ISCA2: variants seen among roughly 807,000 people sequenced by gnomAD.
The protein encoded by ISCA2 is iron-sulfur cluster assembly 2, also known as iron-sulfur cluster assembly 2 homolog, mitochondrial.
ISCA2 carries 21 observed loss-of-function variants against 19.1 expected under a neutral mutation model. The observed-to-expected ratio is 1.10, with a 90% confidence interval of 0.78 to 1.59. The LOEUF (loss-of-function observed/expected upper bound fraction) is 1.59. Among genes scored for constraint, ISCA2 ranks in the 40% most tolerant of loss-of-function variants. ISCA2 has a pLI of 0.00. For missense variants in ISCA2, 181 were observed against 191.7 expected, an observed-to-expected ratio of 0.94 and a Z score of 0.33; for synonymous variants, 107 against 83.8, an observed-to-expected ratio of 1.28 and a Z score of -1.51.
In ISCA2 at chr14:74,493,769, A is replaced by C. The variant is rs186648323; in HGVS notation, c.-6A>C. 3.1e-5 allele frequency: 47 copies of C among 1,516,346 alleles called. No individual in the cohort carries two copies. In the Admixed American group the frequency reaches 4.9e-4, roughly 16 times the overall value. 93.9% of individuals were successfully genotyped at this position (1,516,346 alleles called of 1,614,324 possible). A position where few individuals can be genotyped will look rare whatever the true frequency, so the allele number is the denominator to read the frequency against. On this transcript the variant is annotated 5_prime_UTR_variant, in exon 1 of 4. Coordinates refer to ENST00000556816, the MANE Select transcript of ISCA2 (RefSeq NM_194279.4). The surrounding 1 kb of genome is among the most constrained non-coding windows in gnomAD (Gnocchi z 4.1). ...GAGACGCGAGGGGCGGAGCTTGTGG[A>C]GGAAGATGGCTGCCGCCTGGGGGTC...
chr14:74,496,554 T>C lies in ISCA2; in HGVS notation c.*1554T>C, dbSNP rs1226766644. 3 of 152,318 alleles carry C rather than the reference T, an allele frequency of 2.0e-5. No individual in the cohort carries two copies. The highest frequency in any genetic ancestry group is 3.4e-3 in the Middle Eastern group (1 of 294). The allele number at this position is 152,318 out of a possible 1,614,324, so 9.4% of individuals were successfully genotyped here. A position where few individuals can be genotyped will look rare whatever the true frequency, so the allele number is the denominator to read the frequency against. On this transcript the variant is annotated 3_prime_UTR_variant, in exon 4 of 4. Transcript: ENST00000556816. ...CAGTGCCGCCAGTACCTGCGCCTGATAGGGTTTCAGTTCAGACTACCTGTC... is the reference window on the plus strand; with the variant it reads ...CAGTGCCGCCAGTACCTGCGCCTGACAGGGTTTCAGTTCAGACTACCTGTC...
In ISCA2 at chr14:74,494,107, C is replaced by G. The variant is rs373588450; in HGVS notation, c.129C>G (p.Pro43=). The change falls in exon 2 of 4, where the codon CCC becomes CCG. Residue 43 remains proline, a synonymous_variant. Coordinates refer to ENST00000556816, the MANE Select transcript of ISCA2 (RefSeq NM_194279.4). ...GTCGGGAGGCGTCGTCCTCCAGCCC[C>G]GAGGCCGGCGAAGGGCAGATCCGCC... is the stretch of plus-strand genomic sequence containing the variant. ...QARREASSSS[P]EAGEGQIRLT... is the part of the protein sequence containing the mutation. The G allele has an allele frequency of 3.9e-5, 62 of 1,575,212 alleles. 1 individual carries two copies. In the South Asian group the frequency reaches 5.6e-4, roughly 14 times the overall value.
In ISCA2 at chr14:74,493,795, G is replaced by C. The variant is rs1218989713; in HGVS notation, c.21G>C (p.Ser7=). The change falls in exon 1 of 4, where the codon TCG becomes TCC. Residue 7 remains serine (S), a synonymous_variant. Coordinates refer to ENST00000556816, the MANE Select transcript of ISCA2 (RefSeq NM_194279.4). The surrounding 1 kb of genome is among the most constrained non-coding windows in gnomAD (Gnocchi z 4.1). ...GGAAGATGGCTGCCGCCTGGGGGTC[G>C]TCCCTAACGGCCGCGACGCAGAGAG... MAAAWG[S]SLTAATQRAV... 3.9e-6 allele frequency: 6 copies of C among 1,533,588 alleles called. No homozygotes were observed. The highest frequency in any genetic ancestry group is 1.7e-4 in the Middle Eastern group (1 of 5,892). The allele number at this position is 1,533,588 out of a possible 1,614,324, so 95.0% of individuals were successfully genotyped here. A position where few individuals can be genotyped will look rare whatever the true frequency, so the allele number is the denominator to read the frequency against.
Position 74,495,029 on chromosome 14 carries a change from A to G in ISCA2, c.*29A>G, listed in dbSNP as rs748967636. The G allele has an allele frequency of 6.5e-7, 1 of 1,528,542 alleles. No homozygotes were observed. Among genetic ancestry groups the G allele is most frequent in the South Asian group, 1.1e-5 (1 of 87,626 alleles). The allele number at this position is 1,528,542 out of a possible 1,614,324, so 94.7% of individuals were successfully genotyped here. A position where few individuals can be genotyped will look rare whatever the true frequency, so the allele number is the denominator to read the frequency against. On this transcript the variant is annotated 3_prime_UTR_variant, in exon 4 of 4. Transcript: ENST00000556816. Reference sequence around the variant, plus strand: ...GATGACTGGTGACTCTGGGATTGTCACCAGTTGTACCAATTTGAAGAACCT... The same window carrying G: ...GATGACTGGTGACTCTGGGATTGTCGCCAGTTGTACCAATTTGAAGAACCT...
Position 74,493,784 on chromosome 14 carries a change from G to A in ISCA2, c.10G>A (p.Ala4Thr). MAA[A>T]WGSSLTAATQ... ...GAGCTTGTGGAGGAAGATGGCTGCC[G>A]CCTGGGGGTCGTCCCTAACGGCCGC... Residue 4 changes from alanine (A) to threonine (T), a missense_variant, in exon 1 of 4, where the codon GCC (alanine) becomes ACC (threonine). Physicochemically the swap from Ala to Thr is moderately conservative, Grantham distance 58. Transcript: ENST00000556816. The surrounding 1 kb of genome is among the most constrained non-coding windows in gnomAD (Gnocchi z 4.1). The A allele has an allele frequency of 1.3e-6, 2 of 1,527,220 alleles. No homozygotes were observed. Among genetic ancestry groups the A allele is most frequent in the Non-Finnish European group, 1.8e-6 (2 of 1,139,800 alleles). The allele number at this position is 1,527,220 out of a possible 1,614,324, so 94.6% of individuals were successfully genotyped here.
Position 74,494,113 on chromosome 14 carries a change from C to T in ISCA2, c.135C>T (p.Ala45=). The change falls in exon 2 of 4, where the codon GCC becomes GCT. Residue 45 remains alanine, a synonymous_variant. Transcript: ENST00000556816. ...RREASSSSPE[A]GEGQIRLTDS... The stretch of plus-strand genomic sequence containing the variant: ...AGGCGTCGTCCTCCAGCCCCGAGGC[C>T]GGCGAAGGGCAGATCCGCCTCACAG... The T allele has an allele frequency of 2.5e-6, 4 of 1,578,216 alleles. No individual in the cohort carries two copies. Among genetic ancestry groups the T allele is most frequent in the Non-Finnish European group, 3.4e-6 (4 of 1,164,414 alleles).
At position 74,494,843 on chromosome 14, in the gene ISCA2, G is replaced by C; in HGVS notation, c.308G>C (p.Gly103Ala). ...CTTTTCAGGGTATTTGAACAGGGTGGGGCAAGAGTGGTGGTTGACTCTGAT... is the reference window on the plus strand; with the variant it reads ...CTTTTCAGGGTATTTGAACAGGGTGCGGCAAGAGTGGTGGTTGACTCTGAT... Reference protein sequence around the residue: ...NPDDRVFEQGGARVVVDSDSL... With the variant: ...NPDDRVFEQGAARVVVDSDSL... Residue 103 changes from glycine (G) to alanine (A), a missense_variant, in exon 4 of 4, where the codon GGG (glycine) becomes GCG (alanine). Transcript: ENST00000556816. 1 of 1,614,076 alleles carries C rather than the reference G, an allele frequency of 6.2e-7. No individual in the cohort carries two copies. Among genetic ancestry groups the C allele is most frequent in the Non-Finnish European group, 8.5e-7 (1 of 1,180,002 alleles).
rs1402364907 is a variant in ISCA2, at chr14:74,496,743, CAG to C, written c.*1745_*1746del. 1.3e-5 allele frequency: 2 copies of C among 152,126 alleles called. No homozygotes were observed. Among genetic ancestry groups the C allele is most frequent in the Non-Finnish European group, 2.9e-5 (2 of 68,022 alleles). 9.4% of individuals were successfully genotyped at this position (152,126 alleles called of 1,614,324 possible). ...AATCAAATTACAGTGGTGCACTAGA[CAG>C]AAACAGTCCCTTAGAATGCAGCTTA... is the stretch of plus-strand genomic sequence containing the variant. On this transcript the variant is annotated 3_prime_UTR_variant, in exon 4 of 4. Transcript: ENST00000556816.
Position 74,496,784 on chromosome 14 carries a change from A to G in ISCA2, c.*1784A>G, listed in dbSNP as rs2086851268. The G allele has an allele frequency of 6.6e-6, 1 of 152,166 alleles. No individual in the cohort carries two copies. The highest frequency in any genetic ancestry group is 2.1e-4 in the South Asian group (1 of 4,832). 9.4% of individuals were successfully genotyped at this position (152,166 alleles called of 1,614,324 possible). On this transcript the variant is annotated 3_prime_UTR_variant, in exon 4 of 4. Coordinates refer to ENST00000556816, the MANE Select transcript of ISCA2 (RefSeq NM_194279.4). ...GAATGCAGCTTATATGTGAGTATCT[A>G]CTGTTAATGGGAGAATTGGAATTTT...
At position 74,495,903 on chromosome 14, in the gene ISCA2, C is replaced by G. The variant is rs988140989; in HGVS notation, c.*903C>G. On this transcript the variant is annotated 3_prime_UTR_variant, in exon 4 of 4. Coordinates refer to ENST00000556816, the MANE Select transcript of ISCA2 (RefSeq NM_194279.4). ...AAATAATTTTTTAGTATGCATATGT[C>G]TCAAATATTGCATATACTAAAAATT... 2 of 152,086 alleles carry G rather than the reference C, an allele frequency of 1.3e-5. No individual in the cohort carries two copies. The highest frequency in any genetic ancestry group is 4.8e-5 in the African/African-American group (2 of 41,392). The allele number at this position is 152,086 out of a possible 1,614,324, so 9.4% of individuals were successfully genotyped here.
rs1254817503 is a variant in ISCA2 at position 74,496,185 on chromosome 14, A to G, written c.*1185A>G. 1 of 152,204 alleles carries G rather than the reference A, an allele frequency of 6.6e-6. No individual in the cohort carries two copies. Among genetic ancestry groups the G allele is most frequent in the Non-Finnish European group, 1.5e-5 (1 of 68,030 alleles). The allele number at this position is 152,204 out of a possible 1,614,324, so 9.4% of individuals were successfully genotyped here. On this transcript the variant is annotated 3_prime_UTR_variant, in exon 4 of 4. Coordinates refer to ENST00000556816, the MANE Select transcript of ISCA2 (RefSeq NM_194279.4). ...TAATACTGATGTTGGAGAAACTACA[A>G]CCAAGTTGATTCTGGAAGAGTTACT...
In ISCA2 at chr14:74,495,794, T is replaced by C. The variant is rs951665914; in HGVS notation, c.*794T>C. On this transcript the variant is annotated 3_prime_UTR_variant, in exon 4 of 4. Coordinates refer to ENST00000556816, the MANE Select transcript of ISCA2 (RefSeq NM_194279.4). ...GCAGGAAGTGATCCCTTTATTGTTA[T>C]AGGTAATAGATTCTTGGGAACCTTT... 7.2e-5 allele frequency: 11 copies of C among 152,352 alleles called. No individual in the cohort carries two copies. The East Asian group carries it at 1.5e-3, about 21-fold the overall frequency. 9.4% of individuals were successfully genotyped at this position (152,352 alleles called of 1,614,324 possible).
chr14:74,493,933 G>C lies in ISCA2; in HGVS notation c.71+88G>C, dbSNP rs2086812811. The stretch of plus-strand genomic sequence containing the variant: ...AAACTAAGGCCTGTGGGGGATGCGA[G>C]GGTTTGGTGGGAGGCCGTCCAGGTG... On this transcript the variant is annotated intron_variant, in intron 1 of 3. Transcript: ENST00000556816. This position sits in a 1 kb window ranked among gnomAD's most constrained non-coding sequence, Gnocchi z 4.1. 6.8e-7 allele frequency: 1 copy of C among 1,477,334 alleles called. No individual in the cohort carries two copies. The highest frequency in any genetic ancestry group is 1.4e-5 in the African/African-American group (1 of 71,414). The allele number at this position is 1,477,334 out of a possible 1,614,324, so 91.5% of individuals were successfully genotyped here.
chr14:74,494,112 C>G lies in ISCA2; in HGVS notation c.134C>G (p.Ala45Gly), dbSNP rs1180501609. ...GAGGCGTCGTCCTCCAGCCCCGAGG[C>G]CGGCGAAGGGCAGATCCGCCTCACA... ...RREASSSSPE[A>G]GEGQIRLTDS... The change falls in exon 2 of 4, where the codon GCC becomes GGC. Residue 45 changes from alanine to glycine, a missense_variant. Coordinates refer to ENST00000556816, the MANE Select transcript of ISCA2 (RefSeq NM_194279.4). 6.3e-6 allele frequency: 10 copies of G among 1,577,664 alleles called. No individual in the cohort carries two copies. Among genetic ancestry groups the G allele is most frequent in the Admixed American group, 3.6e-5 (2 of 55,400 alleles).
chr14:74,495,030 C>T lies in ISCA2; in HGVS notation c.*30C>T. The T allele has an allele frequency of 6.5e-7, 1 of 1,527,672 alleles. No homozygotes were observed. Among genetic ancestry groups the T allele is most frequent in the Admixed American group, 1.8e-5 (1 of 57,132 alleles). 94.6% of individuals were successfully genotyped at this position (1,527,672 alleles called of 1,614,324 possible). ...ATGACTGGTGACTCTGGGATTGTCA[C>T]CAGTTGTACCAATTTGAAGAACCTG... On this transcript the variant is annotated 3_prime_UTR_variant, in exon 4 of 4. Coordinates refer to ENST00000556816, the MANE Select transcript of ISCA2 (RefSeq NM_194279.4).
rs1300087827 is a variant in ISCA2 at position 74,496,804 on chromosome 14, A to C, written c.*1804A>C. Reference sequence around the variant, plus strand: ...TATCTACTGTTAATGGGAGAATTGGAATTTTATGTTTAGAAAAAGGCAGAT... The same window carrying C: ...TATCTACTGTTAATGGGAGAATTGGCATTTTATGTTTAGAAAAAGGCAGAT... On this transcript the variant is annotated 3_prime_UTR_variant, in exon 4 of 4. Transcript: ENST00000556816. 1 of 152,102 alleles carries C rather than the reference A, an allele frequency of 6.6e-6. No homozygotes were observed. The allele number at this position is 152,102 out of a possible 1,614,324, so 9.4% of individuals were successfully genotyped here. A position where few individuals can be genotyped will look rare whatever the true frequency, so the allele number is the denominator to read the frequency against.
Position 74,495,097 on chromosome 14 carries a change from T to C in ISCA2, c.*97T>C. 1 of 897,370 alleles carries C rather than the reference T, an allele frequency of 1.1e-6. No homozygotes were observed. The highest frequency in any genetic ancestry group is 1.7e-6 in the Non-Finnish European group (1 of 576,976). The allele number at this position is 897,370 out of a possible 1,614,324, so 55.6% of individuals were successfully genotyped here. A position where few individuals can be genotyped will look rare whatever the true frequency, so the allele number is the denominator to read the frequency against. On this transcript the variant is annotated 3_prime_UTR_variant, in exon 4 of 4. Transcript: ENST00000556816. ...AGAAGTTTACTTCTAATCATGTCCC[T>C]CTCAATTTTATTTCCCGCAGTCCAG...
At chr14:74,494,660 A>G (rs971173068) in intron 3 of ISCA2, 166 bp from the exon 4 acceptor site, 26 of 645,272 alleles carry the variant, frequency 4.0e-5, no homozygotes, top group African/African-American at 2.6e-4. Flanking sequence ...GTTTCCCAGT[A>G]TTTATTCCAT....
In ISCA2 at chr14:74,495,228, C is replaced by T. The variant is rs906296367; in HGVS notation, c.*228C>T. On this transcript the variant is annotated 3_prime_UTR_variant, in exon 4 of 4. Coordinates refer to ENST00000556816, the MANE Select transcript of ISCA2 (RefSeq NM_194279.4). The stretch of plus-strand genomic sequence containing the variant: ...AGGCTGAGCCTCCAGATGCTGTTAC[C>T]TCAGATTTAATCACTGGTTGAAACT... 3 of 471,946 alleles carry T rather than the reference C, an allele frequency of 6.4e-6. No individual in the cohort carries two copies. Among genetic ancestry groups the T allele is most frequent in the African/African-American group, 4.0e-5 (2 of 50,364 alleles). 29.2% of individuals were successfully genotyped at this position (471,946 alleles called of 1,614,324 possible).
Sources: allele counts gnomAD v4.1 joint callset, GRCh38; gene constraint gnomAD v4.1.1; non-coding constraint Gnocchi (gnomAD v3.1); transcripts MANE v1.5; gene names NCBI Gene and HGNC (gene_info 2026-07-23, HGNC 2026-07-21).